Variants in TMTC1 observed in about 807,000 individuals in gnomAD.
The protein encoded by TMTC1 is transmembrane O-mannosyltransferase targeting cadherins 1, also known as protein O-mannosyl-transferase TMTC1.
A neutral mutation model predicts 104.8 loss-of-function variants in TMTC1; 73 were observed. The observed-to-expected ratio is 0.70, with a 90% CI of 0.58 to 0.85. The LOEUF (loss-of-function observed/expected upper bound fraction) is 0.85. TMTC1 is among the 40% of genes least tolerant of loss of function. The pLI is 0.00. For missense variants in TMTC1, 1,035 were observed against 1,096.1 expected, an observed-to-expected ratio of 0.94 and a Z score of 0.79; for synonymous variants, 434 against 428.7, an observed-to-expected ratio of 1.01 and a Z score of -0.15.
At chr12:29,654,720 CAA>C (rs34793977) in intron 5 of TMTC1, among the ~76,000 whole-genome samples, 40 of 141,188 alleles carry the variant, frequency 2.8e-4, no homozygotes, top group Admixed American at 1.3e-3. Context: ...CCATTTTTAT[CAA>C]AAAAAAAAAA....
intron 6 of TMTC1, among the ~76,000 whole-genome samples, chr12:29,606,057 G>A (rs1266068922): frequency 6.6e-6 from 1 of 152,154 alleles, no homozygotes; most frequent in Non-Finnish European, 1.5e-5. Context: ...CTTTCTTATG[G>A]CTGCTTAGTA....
intron 5 of TMTC1, among the ~76,000 whole-genome samples, chr12:29,673,053 T>C (rs1334381106): frequency 2.0e-5 from 3 of 152,164 alleles, no homozygotes; most frequent in Non-Finnish European, 4.4e-5. Flanking sequence ...CTGCACTATA[T>C]TGGCAAACAC....
At chr12:29,531,587 TA>T (rs1003032628) in intron 11 of TMTC1, among the ~76,000 whole-genome samples, 1 of 152,168 alleles carries the variant, frequency 6.6e-6, no homozygotes, top group Non-Finnish European at 1.5e-5. Context: ...GTAGGATGGT[TA>T]AAAATGATTG....
Position 29,632,333 on chromosome 12 carries a change from C to A in TMTC1, c.1128+814G>T, listed in dbSNP as rs572322899. Among the ~76,000 whole-genome samples, 10 of 152,294 alleles carry A rather than the reference C, an allele frequency of 6.6e-5. No individual in the cohort carries two copies. In the South Asian group the frequency reaches 2.1e-3, roughly 32 times the overall value. On this transcript the variant is annotated intron_variant, in intron 6 of 17. Coordinates refer to ENST00000539277, the MANE Select transcript of TMTC1 (RefSeq NM_001193451.2). ...GAAATGATTTGTCTGTGTCACTACC[C>A]AAATCTCATCTTGAATGGTAGTTCC...
intron 16 of TMTC1, among the ~76,000 whole-genome samples, chr12:29,512,854 C>T (rs559032412): frequency 8.5e-5 from 13 of 152,286 alleles, no homozygotes; most frequent in Admixed American, 5.2e-4. Context: ...TGAAATAAAG[C>T]CACAGGTTAA....
chr12:29,536,475 C>G (rs1268891742), intron 10 of TMTC1, among the ~76,000 whole-genome samples, 158 bp from the exon 11 acceptor site: 1 of 152,186 alleles, frequency 6.6e-6, no homozygotes, highest in East Asian at 1.9e-4. Context: ...TCTCAAGGTG[C>G]TAACAGTTTC....
chr12:29,595,340 G>A (rs1168517862), intron 7 of TMTC1, among the ~76,000 whole-genome samples: 2 of 152,200 alleles, frequency 1.3e-5, no homozygotes, highest in Admixed American at 6.5e-5. Flanking sequence ...CAGCCCACAG[G>A]CACCTTGACC....
chr12:29,607,519 C>T (rs1362371130), intron 6 of TMTC1, among the ~76,000 whole-genome samples: 2 of 152,132 alleles, frequency 1.3e-5, no homozygotes, highest in Non-Finnish European at 2.9e-5. Flanking sequence ...CAGCTAGGCA[C>T]ATTCTTGGGA....
chr12:29,614,432 A>G (rs1946925981), intron 6 of TMTC1, among the ~76,000 whole-genome samples: 1 of 152,226 alleles, frequency 6.6e-6, no homozygotes, highest in Admixed American at 6.5e-5. Context: ...ACATGATGGA[A>G]TAACGCTCTT....
chr12:29,742,448 C>T (rs1027958092), intron 5 of TMTC1, among the ~76,000 whole-genome samples: 4 of 151,984 alleles, frequency 2.6e-5, no homozygotes, highest in African/African-American at 9.7e-5. Flanking sequence ...TATGCATTTC[C>T]AAGCTTATAT....
At chr12:29,608,147 C>A (rs575485775) in intron 6 of TMTC1, among the ~76,000 whole-genome samples, 19 of 152,088 alleles carry the variant, frequency 1.2e-4, no homozygotes, top group Non-Finnish European at 2.4e-4. Flanking sequence ...AAAAACATAT[C>A]AATCTGCCAA....
chr12:29,585,889 T>C (rs1314069627), intron 7 of TMTC1, among the ~76,000 whole-genome samples: 1 of 151,614 alleles, frequency 6.6e-6, no homozygotes, highest in Non-Finnish European at 1.5e-5. Context: ...TCCAGCTTTG[T>C]TCTTTTGGCT....
intron 7 of TMTC1, among the ~76,000 whole-genome samples, chr12:29,596,250 AC>A (rs1237687588): frequency 2.6e-5 from 4 of 151,716 alleles, no homozygotes; most frequent in African/African-American, 4.8e-5. Flanking sequence ...CAAGTGGTCC[AC>A]CCCCCTTGGC....
At chr12:29,695,793 TTATATATATATATATA>T (rs113135039) in intron 5 of TMTC1, among the ~76,000 whole-genome samples, 1,716 of 83,804 alleles carry the variant, frequency 0.02, 57 homozygotes, top group African/African-American at 0.062. Context: ...TACTTCCTTT[TTATATATATATATATA>T]TATATATATA....
At chr12:29,597,265 A>T in intron 7 of TMTC1, among the ~76,000 whole-genome samples, 5 of 132,408 alleles carry the variant, frequency 3.8e-5, no homozygotes, top group South Asian at 2.3e-4. Flanking sequence ...TTTTGAGATA[A>T]GGTATCACTA....
chr12:29,614,635 A>C (rs1946931250), intron 6 of TMTC1, among the ~76,000 whole-genome samples: 1 of 152,212 alleles, frequency 6.6e-6, no homozygotes, highest in South Asian at 2.1e-4. Flanking sequence ...TGGGAGATGC[A>C]TGCATAAAAA....
chr12:29,625,675 T>C (rs1193758209), intron 6 of TMTC1, among the ~76,000 whole-genome samples: 1 of 152,192 alleles, frequency 6.6e-6, no homozygotes, highest in Non-Finnish European at 1.5e-5. Flanking sequence ...AGAGGAAGTT[T>C]CCATTCATTC....
intron 5 of TMTC1, among the ~76,000 whole-genome samples, chr12:29,662,294 A>C (rs1940066631): frequency 6.6e-6 from 1 of 152,212 alleles, no homozygotes; most frequent in African/African-American, 2.4e-5. Flanking sequence ...ATAAGGTAAG[A>C]AATCCTTTTG....
intron 10 of TMTC1, among the ~76,000 whole-genome samples, chr12:29,537,822 T>C (rs1394449821): frequency 4.6e-5 from 7 of 152,120 alleles, no homozygotes; most frequent in Admixed American, 2.0e-4. Context: ...TAATATTCAC[T>C]CCATAAGTTT....
Sources: allele counts gnomAD v4.1 joint callset (sites outside exome capture counted in the v4.1 genomes callset), GRCh38; gene constraint gnomAD v4.1.1; transcripts MANE v1.5; gene names NCBI Gene and HGNC (gene_info 2026-07-23, HGNC 2026-07-21).